TAFA5: variants seen among roughly 807,000 people sequenced by gnomAD.
TAFA5 encodes the protein chemokine-like protein TAFA-5.
A neutral mutation model predicts 15.3 loss-of-function variants in TAFA5; 6 were observed. That is an observed-to-expected ratio of 0.39 (90% CI 0.21 to 0.77). The LOEUF is 0.77. Among genes scored for constraint, TAFA5 ranks in the 30% least tolerant of loss-of-function variants. TAFA5 has a pLI of 0.41. For synonymous variants in TAFA5, 103 were observed against 80.7 expected (o/e 1.28, Z -1.48); for missense variants, 161 against 193.1 (o/e 0.83, Z 0.98).
chr22:48,657,407 G>A (rs1249308649), intron 2 of TAFA5, among the ~76,000 whole-genome samples: 1 of 152,140 alleles, frequency 6.6e-6, no homozygotes, highest in East Asian at 1.9e-4. Context: ...AACAAGAAAA[G>A]CCCAGGACCA....
intron 1 of TAFA5, among the ~76,000 whole-genome samples, chr22:48,506,847 A>G (rs776252491): frequency 6.6e-6 from 1 of 152,182 alleles, no homozygotes; most frequent in African/African-American, 2.4e-5. Flanking sequence ...CAAATTCATC[A>G]ACATCCCTGG....
intron 2 of TAFA5, among the ~76,000 whole-genome samples, chr22:48,694,072 T>C (rs1928626231): frequency 6.6e-6 from 1 of 152,210 alleles, no homozygotes; most frequent in African/African-American, 2.4e-5. Flanking sequence ...ACTGCATCCA[T>C]GTTCCAGCAT....
intron 2 of TAFA5, among the ~76,000 whole-genome samples, chr22:48,672,757 G>A (rs1927841274): frequency 6.6e-6 from 1 of 152,110 alleles, no homozygotes. Flanking sequence ...ACTTTGCATG[G>A]GAAGTTCAGA....
chr22:48,511,735 G>A (rs896869748), intron 1 of TAFA5, among the ~76,000 whole-genome samples: 1 of 152,222 alleles, frequency 6.6e-6, no homozygotes, highest in African/African-American at 2.4e-5. Context: ...CATCTCTCCA[G>A]GTATCGGAAA....
Position 48,645,866 on chromosome 22 carries a change from G to A in TAFA5, c.113-731G>A, listed in dbSNP as rs191700958. ...CTGGGTGCCACCCGTGTAAACCTGC[G>A]TGCCTGTGGCTCACTCCAGGGGTGT... is the stretch of plus-strand genomic sequence containing the variant. On this transcript the variant is annotated intron_variant, in intron 1 of 3. Coordinates refer to ENST00000402357, the MANE Select transcript of TAFA5 (RefSeq NM_001082967.3). Among the ~76,000 whole-genome samples the A allele has an allele frequency of 5.3e-5, 8 of 152,158 alleles. No individual in the cohort carries two copies. The East Asian group carries it at 5.8e-4, about 11-fold the overall frequency.
chr22:48,655,827 A>ATTTTTTTTT (rs1927217579), intron 2 of TAFA5, among the ~76,000 whole-genome samples: 2 of 89,440 alleles, frequency 2.2e-5, no homozygotes, highest in African/African-American at 5.1e-5. Flanking sequence ...CCAAACACTG[A>ATTTTTTTTT]TTCTTTTTTT....
intron 1 of TAFA5, among the ~76,000 whole-genome samples, chr22:48,509,492 G>A (rs1921131707): frequency 6.6e-6 from 1 of 151,974 alleles, no homozygotes. Context: ...TTTGCCTTTT[G>A]TCTTATTGAT....
chr22:48,616,975 T>C (rs1220970508), intron 1 of TAFA5, among the ~76,000 whole-genome samples: 1 of 152,128 alleles, frequency 6.6e-6, no homozygotes, highest in Non-Finnish European at 1.5e-5. Context: ...GAGTTCATTG[T>C]TGGGCGAGAA....
At chr22:48,611,153 TTG>T (rs1925394256) in intron 1 of TAFA5, among the ~76,000 whole-genome samples, 1 of 152,196 alleles carries the variant, frequency 6.6e-6, no homozygotes, top group Admixed American at 6.5e-5. Context: ...CAGGCTGGTC[TTG>T]CACTCCTGAC....
intron 1 of TAFA5, among the ~76,000 whole-genome samples, chr22:48,542,005 C>T (rs995315374): frequency 3.9e-5 from 6 of 152,144 alleles, no homozygotes; most frequent in Non-Finnish European, 7.4e-5. Flanking sequence ...ATCAATCAGC[C>T]GCTGTGGTTC....
At chr22:48,643,505 C>G (rs529129072) in intron 1 of TAFA5, among the ~76,000 whole-genome samples, 1 of 152,340 alleles carries the variant, frequency 6.6e-6, no homozygotes, top group South Asian at 2.1e-4. Flanking sequence ...GTGGCCCTGC[C>G]CAGTGCGTGG....
chr22:48,606,651 C>T (rs964437107), intron 1 of TAFA5, among the ~76,000 whole-genome samples: 4 of 152,184 alleles, frequency 2.6e-5, no homozygotes, highest in Admixed American at 2.0e-4. Context: ...TACTCAAAAG[C>T]GGTTTTGCTG....
At position 48,489,990 on chromosome 22, in the gene TAFA5, T is replaced by C. The variant is rs1928085881; in HGVS notation, c.112+286T>C. ...TCCAGGCCCCGGGTGGCGCGGCCCG[T>C]CCCTGCCCGGCGGTCGGAGCCCAGC... On this transcript the variant is annotated intron_variant, in intron 1 of 3. Transcript: ENST00000402357. This position sits in a 1 kb window ranked among gnomAD's most constrained non-coding sequence, Gnocchi z 5.5. Among the ~76,000 whole-genome samples, 1 of 151,710 alleles carries C rather than the reference T, an allele frequency of 6.6e-6. No individual in the cohort carries two copies. The highest frequency in any genetic ancestry group is 2.4e-5 in the African/African-American group (1 of 41,338).
At chr22:48,712,020 T>G (rs1184847125) in intron 3 of TAFA5, among the ~76,000 whole-genome samples, 5 of 152,246 alleles carry the variant, frequency 3.3e-5, no homozygotes, top group Non-Finnish European at 1.5e-5. Flanking sequence ...ATTAACCGAG[T>G]GTGGACCCCA....
At chr22:48,721,942 A>G (rs1161592526) in intron 3 of TAFA5, among the ~76,000 whole-genome samples, 1 of 151,812 alleles carries the variant, frequency 6.6e-6, no homozygotes, top group Non-Finnish European at 1.5e-5. Flanking sequence ...ACACCACTGC[A>G]CTCCAGCCCA....
chr22:48,659,915 A>G (rs1016457377), intron 2 of TAFA5, among the ~76,000 whole-genome samples: 1 of 152,246 alleles, frequency 6.6e-6, no homozygotes, highest in Non-Finnish European at 1.5e-5. Context: ...AGCCAGGGAC[A>G]TTTTGAAAGA....
At chr22:48,564,661 A>G (rs763260256) in intron 1 of TAFA5, among the ~76,000 whole-genome samples, 1 of 152,208 alleles carries the variant, frequency 6.6e-6, no homozygotes, top group African/African-American at 2.4e-5. Context: ...GCCACTCCTC[A>G]TTGGTCCCAG....
intron 2 of TAFA5, among the ~76,000 whole-genome samples, chr22:48,660,192 A>G (rs941713546): frequency 4.6e-5 from 7 of 152,216 alleles, no homozygotes; most frequent in African/African-American, 1.7e-4. Context: ...GTCTTCGGAC[A>G]CGCTGTGCCC....
At chr22:48,606,298 G>A (rs531025394) in intron 1 of TAFA5, among the ~76,000 whole-genome samples, 6 of 152,284 alleles carry the variant, frequency 3.9e-5, no homozygotes, top group Middle Eastern at 3.4e-3. Context: ...GCGAACCGTC[G>A]GAGACAGCGT....
Sources: allele counts gnomAD v4.1 joint callset (sites outside exome capture counted in the v4.1 genomes callset), GRCh38; gene constraint gnomAD v4.1.1; non-coding constraint Gnocchi (gnomAD v3.1); transcripts MANE v1.5; gene names NCBI Gene and HGNC (gene_info 2026-07-23, HGNC 2026-07-21).